Variants in UNC5D observed in about 807,000 individuals in gnomAD.
UNC5D encodes unc-5 netrin receptor D.
UNC5D carries 39 observed loss-of-function variants against 105.4 expected under a neutral mutation model. That is an observed-to-expected ratio of 0.37 (90% CI 0.29 to 0.48). The LOEUF is 0.48. UNC5D is among the 20% of genes least tolerant of loss of function. UNC5D has a pLI of 0.98. For synonymous variants in UNC5D, 452 were observed against 450.4 expected (o/e 1.00, Z -0.04); for missense variants, 991 against 1,202.4 (o/e 0.82, Z 2.60).
At chr8:35,720,796 G>A (rs922582908) in intron 8 of UNC5D, among the ~76,000 whole-genome samples, 1 of 151,508 alleles carries the variant, frequency 6.6e-6, no homozygotes, top group Non-Finnish European at 1.5e-5. Context: ...ATGCTATTAT[G>A]GTTATTAAAT....
intron 3 of UNC5D, among the ~76,000 whole-genome samples, chr8:35,587,954 A>G (rs1818892342): frequency 9.0e-6 from 1 of 110,678 alleles, no homozygotes; most frequent in African/African-American, 3.2e-5. Flanking sequence ...GGTTTTTCCT[A>G]TAACTATAAT....
chr8:35,750,820 G>C lies in UNC5D; in HGVS notation c.2163+11G>C. 1 of 1,613,028 alleles carries C rather than the reference G, an allele frequency of 6.2e-7. No homozygotes were observed. Among genetic ancestry groups the C allele is most frequent in the Non-Finnish European group, 8.5e-7 (1 of 1,179,126 alleles). On this transcript the variant is annotated intron_variant, in intron 13 of 16. Transcript: ENST00000404895. ...CCTTGTGCATTTCAGGTTAGCCTTT[G>C]TTTTAATAATTTTCTTTTGGTGTCA...
At chr8:35,689,098 T>G (rs61506285) in intron 7 of UNC5D, among the ~76,000 whole-genome samples, 4,635 of 152,306 alleles carry the variant, frequency 0.03, 252 homozygotes, top group African/African-American at 0.11. Context: ...GAAATTTTTA[T>G]AGTCATAGTA....
intron 1 of UNC5D, among the ~76,000 whole-genome samples, chr8:35,458,431 C>G (rs962727356): frequency 6.6e-6 from 1 of 152,126 alleles, no homozygotes; most frequent in Non-Finnish European, 1.5e-5. Context: ...CTCCCATTTC[C>G]TGAGGCCACT....
intron 16 of UNC5D, among the ~76,000 whole-genome samples, chr8:35,775,392 C>T (rs1802198813): frequency 6.6e-6 from 1 of 152,172 alleles, no homozygotes; most frequent in Admixed American, 6.5e-5. Context: ...CCATAATGGA[C>T]TTTATTACTT....
chr8:35,715,880 T>C (rs1828225726), intron 8 of UNC5D, among the ~76,000 whole-genome samples: 1 of 152,070 alleles, frequency 6.6e-6, no homozygotes, highest in Non-Finnish European at 1.5e-5. Context: ...GGTCTCCATA[T>C]TTTCAACAAG....
chr8:35,522,740 T>C (rs1324765048), intron 1 of UNC5D, among the ~76,000 whole-genome samples: 1 of 152,232 alleles, frequency 6.6e-6, no homozygotes, highest in Non-Finnish European at 1.5e-5. Flanking sequence ...TGAAACTGGA[T>C]GATCTCTACT....
chr8:35,630,448 A>G (rs1017799167), intron 4 of UNC5D, among the ~76,000 whole-genome samples: 2 of 152,206 alleles, frequency 1.3e-5, no homozygotes, highest in Admixed American at 1.3e-4. Flanking sequence ...GACTGGCTAT[A>G]CCTGACGTAG....
intron 5 of UNC5D, 126 bp downstream of exon 5, chr8:35,683,853 T>G: frequency 3.3e-6 from 3 of 895,970 alleles, no homozygotes; most frequent in Non-Finnish European, 4.5e-6. Flanking sequence ...AGCAGTGCTC[T>G]ATCCTGCCTC....
At chr8:35,476,350 TTGAG>T (rs1810099954) in intron 1 of UNC5D, among the ~76,000 whole-genome samples, 2 of 152,222 alleles carry the variant, frequency 1.3e-5, no homozygotes, top group African/African-American at 4.8e-5. Flanking sequence ...CTTCCCCTCT[TTGAG>T]TATTAGTCCA....
At chr8:35,599,221 T>C (rs1819683799) in intron 4 of UNC5D, among the ~76,000 whole-genome samples, 1 of 141,980 alleles carries the variant, frequency 7.0e-6, no homozygotes, top group Non-Finnish European at 1.5e-5. Context: ...GTTGCGGAGA[T>C]GGGGAGAGGT....
At chr8:35,597,087 G>A (rs545341470) in intron 4 of UNC5D, among the ~76,000 whole-genome samples, 10 of 152,224 alleles carry the variant, frequency 6.6e-5, no homozygotes, top group South Asian at 4.1e-4. Context: ...GTAAAATTGG[G>A]ATTTTGTAAT....
chr8:35,236,423 C>T (rs915236288), intron 1 of UNC5D, among the ~76,000 whole-genome samples: 8 of 1,616 alleles, frequency 5.0e-3, no homozygotes, highest in African/African-American at 0.015. Flanking sequence ...CGTCCTTAGC[C>T]CGAGGTCCCA....
chr8:35,443,177 A>T, intron 1 of UNC5D, among the ~76,000 whole-genome samples: 1 of 151,894 alleles, frequency 6.6e-6, no homozygotes, highest in East Asian at 1.9e-4. Context: ...TATTTAATGT[A>T]CTAAGAACAC....
chr8:35,459,981 C>G (rs1271603370), intron 1 of UNC5D, among the ~76,000 whole-genome samples: 1 of 152,142 alleles, frequency 6.6e-6, no homozygotes, highest in East Asian at 1.9e-4. Context: ...TTCGGCTCCA[C>G]GATTCATCAT....
chr8:35,382,810 T>C (rs1803126625), intron 1 of UNC5D, among the ~76,000 whole-genome samples: 1 of 152,202 alleles, frequency 6.6e-6, no homozygotes, highest in Admixed American at 6.5e-5. Context: ...ACGGTGACCA[T>C]GGCTTTGATG....
chr8:35,306,945 A>G (rs1808466516), intron 1 of UNC5D, among the ~76,000 whole-genome samples: 1 of 152,124 alleles, frequency 6.6e-6, no homozygotes. Context: ...AGTTTGAGCT[A>G]TTTGTCAAAT....
intron 4 of UNC5D, among the ~76,000 whole-genome samples, chr8:35,643,156 G>A (rs1033750039): frequency 7.9e-5 from 12 of 152,130 alleles, no homozygotes; most frequent in African/African-American, 2.9e-4. Context: ...CCTGTGCATG[G>A]TAGATGTTTA....
chr8:35,667,526 G>A (rs1045814960), intron 4 of UNC5D, among the ~76,000 whole-genome samples: 6 of 152,114 alleles, frequency 3.9e-5, no homozygotes, highest in African/African-American at 1.4e-4. Flanking sequence ...AACTACAAAG[G>A]GGCCAGGAAA....
Sources: allele counts gnomAD v4.1 joint callset (sites outside exome capture counted in the v4.1 genomes callset), GRCh38; gene constraint gnomAD v4.1.1; transcripts MANE v1.5; gene names NCBI Gene and HGNC (gene_info 2026-07-23, HGNC 2026-07-21).